The following HSD17B12 variants were observed in gnomAD, a reference collection of about 807,000 sequenced individuals.
HSD17B12 encodes hydroxysteroid 17-beta dehydrogenase 12.
A neutral mutation model predicts 39.3 loss-of-function variants in HSD17B12; 32 were observed. The observed-to-expected ratio is 0.81, with a 90% CI of 0.61 to 1.09. The LOEUF is 1.09. Ranked by LOEUF, HSD17B12 falls within the 50% of genes least tolerant of loss-of-function variation. The probability of loss-of-function intolerance (pLI) is 0.00; values close to 1 mark genes in which losing one functional copy is unlikely to be tolerated. For synonymous variants in HSD17B12, 150 were observed against 146.7 expected (o/e 1.02, Z -0.16); for missense variants, 342 against 382.9 (o/e 0.89, Z 0.89).
chr11:43,652,468 C>G, the HSD17B12 span, among the ~76,000 whole-genome samples: 1 of 152,116 alleles, frequency 6.6e-6, no homozygotes, highest in Non-Finnish European at 1.5e-5. Context: ...AATTCCGACA[C>G]TATCTACCTG....
At chr11:43,660,534 A>G in the HSD17B12 span, among the ~76,000 whole-genome samples, 1 of 152,250 alleles carries the variant, frequency 6.6e-6, no homozygotes, top group African/African-American at 2.4e-5. Flanking sequence ...CTACATATCA[A>G]TGAGATTAAA....
At chr11:43,706,863 G>A (rs184832393) in intron 1 of HSD17B12, among the ~76,000 whole-genome samples, 1 of 152,098 alleles carries the variant, frequency 6.6e-6, no homozygotes, top group East Asian at 1.9e-4. Context: ...CTTTGATAAT[G>A]GGCCAAAGGC....
At chr11:43,712,755 T>A (rs1010862437) in intron 1 of HSD17B12, among the ~76,000 whole-genome samples, 1 of 152,184 alleles carries the variant, frequency 6.6e-6, no homozygotes, top group Admixed American at 6.5e-5. Context: ...CTAAACTGAC[T>A]GAGACCTCTC....
At chr11:43,690,384 A>ATT (rs1565049652) in intron 1 of HSD17B12, among the ~76,000 whole-genome samples, 2 of 11,150 alleles carry the variant, frequency 1.8e-4, no homozygotes, top group Non-Finnish European at 4.1e-4. Flanking sequence ...ATATATATAT[A>ATT]TATATATATA....
chr11:43,589,231 C>T, the HSD17B12 span, among the ~76,000 whole-genome samples: 1 of 152,128 alleles, frequency 6.6e-6, no homozygotes, highest in Admixed American at 6.5e-5. Flanking sequence ...CTTTTAACAT[C>T]TTATAAATCT....
At chr11:43,733,945 A>G (rs1326039753) in intron 1 of HSD17B12, 8 of 700,098 alleles carry the variant, frequency 1.1e-5, no homozygotes, top group Non-Finnish European at 2.1e-5. Flanking sequence ...ATGGGTACAG[A>G]AACCAATTAT....
intron 1 of HSD17B12, among the ~76,000 whole-genome samples, chr11:43,711,983 G>A (rs932975442): frequency 6.6e-6 from 1 of 152,092 alleles, no homozygotes; most frequent in African/African-American, 2.4e-5. Context: ...AATTTAACCT[G>A]AAAGACTGAC....
the HSD17B12 span, among the ~76,000 whole-genome samples, chr11:43,668,106 T>C: frequency 6.6e-6 from 1 of 152,210 alleles, no homozygotes; most frequent in Admixed American, 6.5e-5. Context: ...CAATTGTTGC[T>C]GTTACAAATT....
chr11:43,827,057 A>G (rs1408913128), intron 6 of HSD17B12, among the ~76,000 whole-genome samples: 1 of 152,142 alleles, frequency 6.6e-6, no homozygotes, highest in Non-Finnish European at 1.5e-5. Context: ...TTCAGATCCT[A>G]TTTATGGTAA....
At chr11:43,619,243 A>AT in the HSD17B12 span, among the ~76,000 whole-genome samples, 153 of 11,768 alleles carry the variant, frequency 0.013, 2 homozygotes, top group African/African-American at 0.015. Context: ...ATATATATAT[A>AT]AAATATATAT....
intron 1 of HSD17B12, among the ~76,000 whole-genome samples, chr11:43,749,515 A>G (rs1950445804): frequency 1.3e-5 from 2 of 152,148 alleles, no homozygotes; most frequent in East Asian, 3.9e-4. Flanking sequence ...ATCCAGTGTG[A>G]GAGGAAGCAG....
At chr11:43,830,119 A>T (rs1038753667) in intron 6 of HSD17B12, 2 of 152,238 alleles carry the variant, frequency 1.3e-5, no homozygotes, top group Non-Finnish European at 2.9e-5. Context: ...TTTAATTAAT[A>T]TGAAGTATTA....
the HSD17B12 span, among the ~76,000 whole-genome samples, chr11:43,581,976 A>C: frequency 6.6e-6 from 1 of 152,272 alleles, no homozygotes; most frequent in Non-Finnish European, 1.5e-5. The surrounding 1 kb of genome is among the most constrained non-coding windows in gnomAD (Gnocchi z 4.9). Context: ...GGAGGCCCTT[A>C]GTATCTTATG....
chr11:43,656,824 T>A, the HSD17B12 span, among the ~76,000 whole-genome samples: 1 of 152,216 alleles, frequency 6.6e-6, no homozygotes, highest in African/African-American at 2.4e-5. Context: ...CTTCCAACTA[T>A]GTGGTCAATT....
At chr11:43,682,535 G>A (rs1949757986) in intron 1 of HSD17B12, among the ~76,000 whole-genome samples, 2 of 110,274 alleles carry the variant, frequency 1.8e-5, no homozygotes, top group Non-Finnish European at 3.6e-5. Context: ...GACAGAGCGA[G>A]ACTCATCTCA....
chr11:43,646,327 A>G, the HSD17B12 span: 2 of 152,228 alleles, frequency 1.3e-5, no homozygotes, highest in Non-Finnish European at 2.9e-5. Context: ...TGTGTCTTAG[A>G]ATGTTAACTA....
chr11:43,656,389 T>C, the HSD17B12 span, among the ~76,000 whole-genome samples: 1 of 152,198 alleles, frequency 6.6e-6, no homozygotes, highest in Non-Finnish European at 1.5e-5. Context: ...GTTTTTTGTG[T>C]CTCTATTTCC....
the HSD17B12 span, among the ~76,000 whole-genome samples, chr11:43,600,942 T>A: frequency 6.6e-6 from 1 of 151,970 alleles, no homozygotes; most frequent in Non-Finnish European, 1.5e-5. Flanking sequence ...CGGTTGTTAT[T>A]ATTATTGATC....
chr11:43,779,335 A>C (rs1950742168), intron 3 of HSD17B12, among the ~76,000 whole-genome samples: 1 of 152,242 alleles, frequency 6.6e-6, no homozygotes, highest in South Asian at 2.1e-4. Flanking sequence ...GTTACTAATT[A>C]TTAAGGATTA....
Sources: gnomAD v4.1 joint callset for allele counts (sites outside exome capture counted in the v4.1 genomes callset) on GRCh38, gnomAD v4.1.1 for gene constraint, Gnocchi (gnomAD v3.1) non-coding constraint, MANE v1.5 for transcripts, NCBI Gene and HGNC (gene_info 2026-07-23, HGNC 2026-07-21) for gene names.